Variants in PSMB10 observed in about 807,000 individuals in gnomAD.
PSMB10 encodes the protein proteasome subunit beta type-10.
PSMB10 carries 29 observed loss-of-function variants against 29.8 expected under a neutral mutation model. That is an observed-to-expected ratio of 0.97 (90% CI 0.73 to 1.33). The LOEUF is 1.33. Among genes scored for constraint, PSMB10 ranks in the 40% most tolerant of loss-of-function variants. The pLI is 0.00. For missense variants in PSMB10, 327 were observed against 369.2 expected, an observed-to-expected ratio of 0.89 and a Z score of 0.94; for synonymous variants, 157 against 164.7, an observed-to-expected ratio of 0.95 and a Z score of 0.36.
chr16:67,935,521 G>T, intron 5 of PSMB10, 43 bp from the exon 6 acceptor site: 4 of 1,614,028 alleles, frequency 2.5e-6, no homozygotes, highest in Non-Finnish European at 2.5e-6. Flanking sequence ...CTGCGACGCC[G>T]TTTGGAGTGA....
chr16:67,936,703 T>C lies in PSMB10; in HGVS notation c.47A>G (p.Asn16Ser). 1 of 1,555,278 alleles carries C rather than the reference T, an allele frequency of 6.4e-7. No homozygotes were observed. Among genetic ancestry groups the C allele is most frequent in the South Asian group, 1.2e-5 (1 of 84,696 alleles). ...LEPRGGFSFENCQRNASLERV... is the reference protein window; with the variant it reads ...LEPRGGFSFESCQRNASLERV... ...CGCGCCCCCGCTTCACCTTTGGCAG[T>C]TCTCGAAGGAGAAGCCCCCTCGGGG... Residue 16 changes from asparagine (N) to serine (S), a missense_variant, in exon 1 of 8, where the codon AAC becomes AGC. Asn to Ser is a conservative substitution (Grantham distance 46, BLOSUM62 1). Coordinates refer to ENST00000358514, the MANE Select transcript of PSMB10 (RefSeq NM_002801.4).
In PSMB10 at chr16:67,935,700, G is replaced by T. The variant is rs779349651; in HGVS notation, c.384-3C>A. The T allele has an allele frequency of 4.3e-6, 7 of 1,613,148 alleles. No homozygotes were observed. The Admixed American group carries it at 1.0e-4, about 23-fold the overall frequency. ...ATGCACCCACGTGGCCCTGGTACCT[G>T]CTCGAGGATGGGCGGGGTCGGCCAC... is the stretch of plus-strand genomic sequence containing the variant. On this transcript the variant is annotated splice_region_variant and splice_polypyrimidine_tract_variant and intron_variant, in intron 4 of 7. Coordinates refer to ENST00000358514, the MANE Select transcript of PSMB10 (RefSeq NM_002801.4).
Position 67,936,784 on chromosome 16 carries a change from C to T in PSMB10, c.-35G>A. Reference sequence around the variant, plus strand: ...GGCAGAGGGGATTAGGGGTCGCGGGCGGATGAGTCGGCCAGACAAGCGGGG... The same window carrying T: ...GGCAGAGGGGATTAGGGGTCGCGGGTGGATGAGTCGGCCAGACAAGCGGGG... On this transcript the variant is annotated 5_prime_UTR_variant, in exon 1 of 8. Transcript: ENST00000358514. The T allele has an allele frequency of 1.3e-6, 2 of 1,534,474 alleles. No homozygotes were observed. The highest frequency in any genetic ancestry group is 2.4e-5 in the South Asian group (2 of 83,526).
In PSMB10 at chr16:67,936,675, C is replaced by T. The variant is rs1290325631; in HGVS notation, c.56+19G>A. 2 of 1,548,084 alleles carry T rather than the reference C, an allele frequency of 1.3e-6. No homozygotes were observed. Among genetic ancestry groups the T allele is most frequent in the African/African-American group, 2.7e-5 (2 of 72,792 alleles). On this transcript the variant is annotated intron_variant, in intron 1 of 7. Transcript: ENST00000358514. ...CAGAGGCGGCTCAGGAGTGACCGCC[C>T]CCCGCGCCCCCGCTTCACCTTTGGC...
Position 67,935,644 on chromosome 16 carries a change from C to T in PSMB10, c.437G>A (p.Gly146Glu). 6.2e-7 allele frequency: 1 copy of T among 1,614,166 alleles called. No individual in the cohort carries two copies. The highest frequency in any genetic ancestry group is 8.5e-7 in the Non-Finnish European group (1 of 1,180,002). ...SLIVGGVDLTGPQLYGVHPHG... is the reference protein window; with the variant it reads ...SLIVGGVDLTEPQLYGVHPHG... The stretch of plus-strand genomic sequence containing the variant: ...GGGATGCACACCGTAGAGCTGCGGT[C>T]CAGTCAGGTCTACGCCGCCCACGAT... The change falls in exon 5 of 8, where the codon GGA (glycine) becomes GAA (glutamate). Residue 146 changes from glycine to glutamate, a missense_variant. Transcript: ENST00000358514.
Position 67,935,972 on chromosome 16 carries a change from G to T in PSMB10, c.374C>A (p.Thr125Lys), listed in dbSNP as rs1479417403. 6.2e-7 allele frequency: 1 copy of T among 1,610,836 alleles called. No individual in the cohort carries two copies. The highest frequency in any genetic ancestry group is 8.5e-7 in the Non-Finnish European group (1 of 1,178,140). ...VATVTRILRQ[T>K]LFRYQGHVGA... ...AGCCCTGCCCCCGCACCTGAAGAGCGTCTGGCGCAGGATGCGAGTGACCGT... is the reference window on the plus strand; with the variant it reads ...AGCCCTGCCCCCGCACCTGAAGAGCTTCTGGCGCAGGATGCGAGTGACCGT... The change falls in exon 4 of 8, where the codon ACG (threonine) becomes AAG (lysine). Residue 125 changes from threonine (T) to lysine (K), a missense_variant. Coordinates refer to ENST00000358514, the MANE Select transcript of PSMB10 (RefSeq NM_002801.4).
rs201451622 is a variant in PSMB10 at position 67,936,693 on chromosome 16, C to T, written c.56+1G>A. Reference sequence around the variant, plus strand: ...GACCGCCCCCCGCGCCCCCGCTTCACCTTTGGCAGTTCTCGAAGGAGAAGC... The same window carrying T: ...GACCGCCCCCCGCGCCCCCGCTTCATCTTTGGCAGTTCTCGAAGGAGAAGC... On this transcript the variant is annotated splice_donor_variant, in intron 1 of 7. Coordinates refer to ENST00000358514, the MANE Select transcript of PSMB10 (RefSeq NM_002801.4). LOFTEE classifies it high-confidence loss of function. 587 of 1,554,316 alleles carry T rather than the reference C, an allele frequency of 3.8e-4. 1 individual carries two copies. The highest frequency in any genetic ancestry group is 1.2e-3 in the Middle Eastern group (7 of 5,964).
rs1423912127 is a variant in PSMB10, at chr16:67,935,717, G to T, written c.384-20C>A. On this transcript the variant is annotated intron_variant, in intron 4 of 7. Transcript: ENST00000358514. ...TGGTACCTGCTCGAGGATGGGCGGGGTCGGCCACAAGCTGGGGCCTAGGCC... is the reference window on the plus strand; with the variant it reads ...TGGTACCTGCTCGAGGATGGGCGGGTTCGGCCACAAGCTGGGGCCTAGGCC... The T allele has an allele frequency of 6.2e-7, 1 of 1,611,368 alleles. No homozygotes were observed. Among genetic ancestry groups the T allele is most frequent in the Non-Finnish European group, 8.5e-7 (1 of 1,178,924 alleles).
At chr16:67,935,338 CT>C (rs757041548) in intron 6 of PSMB10, 81 bp downstream of exon 6, 71 of 1,576,204 alleles carry the variant, frequency 4.5e-5, no homozygotes, top group Non-Finnish European at 5.8e-5. Flanking sequence ...GCCACCCGCA[CT>C]GGGCCAGGGT....
chr16:67,935,019 G>A, intron 6 of PSMB10, 71 bp from the exon 7 acceptor site: 2 of 1,554,548 alleles, frequency 1.3e-6, no homozygotes, highest in Non-Finnish European at 1.7e-6. Flanking sequence ...CTGGGGACTT[G>A]CCTGTCCACT....
In PSMB10 at chr16:67,936,828, G is replaced by A; in HGVS notation, c.-79C>T. The stretch of plus-strand genomic sequence containing the variant: ...AGCGGGGCCAGTGAGCAGCTAAAAA[G>A]TCCTCTGCTAGGCTTCACGTCTGTA... On this transcript the variant is annotated 5_prime_UTR_variant, in exon 1 of 8. Transcript: ENST00000358514. 1 of 1,250,278 alleles carries A rather than the reference G, an allele frequency of 8.0e-7. No individual in the cohort carries two copies. Among genetic ancestry groups the A allele is most frequent in the Non-Finnish European group, 1.1e-6 (1 of 885,018 alleles). The allele number at this position is 1,250,278 out of a possible 1,614,324, so 77.4% of individuals were successfully genotyped here. A position where few individuals can be genotyped will look rare whatever the true frequency, so the allele number is the denominator to read the frequency against.
At chr16:67,936,175 G>C in intron 3 of PSMB10, 40 bp downstream of exon 3, 1 of 1,611,678 alleles carries the variant, frequency 6.2e-7, no homozygotes, top group Non-Finnish European at 8.5e-7. Flanking sequence ...CGAGGGGGCC[G>C]TTCTTTTTTG....
intron 6 of PSMB10, 122 bp downstream of exon 6, chr16:67,935,298 T>TTCA: frequency 8.1e-7 from 1 of 1,228,830 alleles, no homozygotes. Flanking sequence ...CCACTCACCC[T>TTCA]TCAGTGGTCA....
chr16:67,936,379 G>A lies in PSMB10; in HGVS notation c.144+19C>T, dbSNP rs1264430715. On this transcript the variant is annotated intron_variant, in intron 2 of 7. Transcript: ENST00000358514. ...ACTCTCGGCTCCCCTCCAGCTCCCC[G>A]TCCCTCCCCGCTGCTCACTTGGAAC... 6.2e-7 allele frequency: 1 copy of A among 1,611,098 alleles called. No homozygotes were observed. Among genetic ancestry groups the A allele is most frequent in the South Asian group, 1.1e-5 (1 of 90,990 alleles).
intron 6 of PSMB10, 112 bp from the exon 7 acceptor site, chr16:67,935,060 C>G: frequency 7.2e-7 from 1 of 1,389,366 alleles, no homozygotes; most frequent in South Asian, 1.3e-5. Context: ...TCCAAACCCC[C>G]ACTGTGTTTC....
Position 67,936,260 on chromosome 16 carries a change from G to A in PSMB10, c.197C>T (p.Ala66Val), listed in dbSNP as rs772330503. 1.9e-6 allele frequency: 3 copies of A among 1,613,964 alleles called. No homozygotes were observed. Among genetic ancestry groups the A allele is most frequent in the Non-Finnish European group, 8.5e-7 (1 of 1,179,980 alleles). The part of the protein sequence containing the change: ...DTRATNDSVV[A>V]DKSCEKIHFI... ...GTGGATCTTCTCGCAGCTCTTGTCC[G>A]CCACGACCGAATCGTTAGTGGCTCG... Residue 66 changes from alanine to valine, a missense_variant, in exon 3 of 8, where the codon GCG becomes GTG. Physicochemically the swap from Ala to Val is moderately conservative, Grantham distance 64. Transcript: ENST00000358514.
At chr16:67,935,216 C>CA (rs1176520403) in intron 6 of PSMB10, 1 of 726,698 alleles carries the variant, frequency 1.4e-6, no homozygotes, top group African/African-American at 1.8e-5. Context: ...CTGTGAGCTT[C>CA]GACTTCTCCC....
rs2151318471 is a variant in PSMB10, at chr16:67,936,025, T to A, written c.321A>T (p.Leu107Phe). The A allele has an allele frequency of 6.2e-7, 1 of 1,612,754 alleles. No homozygotes were observed. ...CCACGCGGGGCTCGCGGCCCGTAGA[T>A]AACGCGTGTAGCTCCATCTTGGACG... ...MVASKMELHA[L>F]STGREPRVAT... Residue 107 changes from leucine (L) to phenylalanine (F), a missense_variant, in exon 4 of 8, where the codon TTA becomes TTT. Coordinates refer to ENST00000358514, the MANE Select transcript of PSMB10 (RefSeq NM_002801.4).
rs376604533 is a variant in PSMB10, at chr16:67,934,649, G to A, written c.733C>T (p.Pro245Ser). The A allele has an allele frequency of 4.3e-6, 7 of 1,614,116 alleles. No individual in the cohort carries two copies. Among genetic ancestry groups the A allele is most frequent in the Middle Eastern group, 1.6e-4 (1 of 6,062 alleles). Residue 245 changes from proline (P) to serine (S), a missense_variant, in exon 8 of 8, where the codon CCT becomes TCT. By Grantham distance (74) the Pro-to-Ser change is moderately conservative (BLOSUM62 -1). Coordinates refer to ENST00000358514, the MANE Select transcript of PSMB10 (RefSeq NM_002801.4). The surrounding 1 kb of genome is among the most constrained non-coding windows in gnomAD (Gnocchi z 4.3). The part of the protein sequence containing the change: ...VKRSGRYHFV[P>S]GTTAVLTQTV... ...TGGGTCAGGACAGCTGTGGTTCCAG[G>A]CACAAAGTGGTAGCGGCCAGACCTG...
Sources: allele counts gnomAD v4.1 joint callset, GRCh38; gene constraint gnomAD v4.1.1; non-coding constraint Gnocchi (gnomAD v3.1); transcripts MANE v1.5; gene names NCBI Gene and HGNC (gene_info 2026-07-23, HGNC 2026-07-21).